SLCO5A1: variants seen among roughly 807,000 people sequenced by gnomAD.
SLCO5A1 encodes solute carrier organic anion transporter family member 5A1, also known as organic anion transporter polypeptide-related protein 4.
A neutral mutation model predicts 65.1 loss-of-function variants in SLCO5A1; 39 were observed. That is an observed-to-expected ratio of 0.60 (90% CI 0.46 to 0.78). The LOEUF is 0.78. Among genes scored for constraint, SLCO5A1 ranks in the 30% least tolerant of loss-of-function variants. SLCO5A1 has a pLI of 0.00. For synonymous variants in SLCO5A1, 438 were observed against 415.7 expected, an observed-to-expected ratio of 1.05 and a Z score of -0.65; for missense variants, 1,029 against 1,069.4, an observed-to-expected ratio of 0.96 and a Z score of 0.53.
chr8:69,751,416 G>A (rs2130855310), intron 4 of SLCO5A1, among the ~76,000 whole-genome samples: 1 of 152,254 alleles, frequency 6.6e-6, no homozygotes, highest in South Asian at 2.1e-4. Flanking sequence ...TATAATAAGA[G>A]TATGAAAACA....
Position 69,832,167 on chromosome 8 carries a change from C to A in SLCO5A1, c.507G>T (p.Leu169=), listed in dbSNP as rs1821184076. ...RYSLKSSESG[L]LVSCFDIGNL... is the part of the protein sequence containing the mutation. ...TCCCGATGTCAAAGCAGCTGACCAG[C>A]AGCCCCGACTCGGAACTCTTCAGAC... Residue 169 remains leucine, a synonymous_variant, in exon 2 of 10, where the codon CTG becomes CTT. Coordinates refer to ENST00000260126, the MANE Select transcript of SLCO5A1 (RefSeq NM_030958.3). This position sits in a 1 kb window ranked among gnomAD's most constrained non-coding sequence, Gnocchi z 4.5. The A allele has an allele frequency of 6.2e-7, 1 of 1,614,102 alleles. No homozygotes were observed. Among genetic ancestry groups the A allele is most frequent in the Non-Finnish European group, 8.5e-7 (1 of 1,180,048 alleles).
At position 69,799,477 on chromosome 8, in the gene SLCO5A1, G is replaced by A. The variant is rs532829594; in HGVS notation, c.907+32290C>T. Among the ~76,000 whole-genome samples, 4 of 152,154 alleles carry A rather than the reference G, an allele frequency of 2.6e-5. No homozygotes were observed. In the East Asian group the frequency reaches 5.8e-4, roughly 22 times the overall value. ...CAGTTTTCTACACACAGTAATGCAC[G>A]ATATGCTATTGATCTAGGAAGTTTT... On this transcript the variant is annotated intron_variant, in intron 2 of 9. Coordinates refer to ENST00000260126, the MANE Select transcript of SLCO5A1 (RefSeq NM_030958.3).
chr8:69,775,535 T>C (rs187140990), intron 2 of SLCO5A1, among the ~76,000 whole-genome samples: 8 of 152,154 alleles, frequency 5.3e-5, no homozygotes, highest in African/African-American at 1.9e-4. Context: ...CAGGAAGGAG[T>C]ACGGGGTGTT....
Position 69,668,416 on chromosome 8 carries a change from C to T in SLCO5A1, c.*4453G>A, listed in dbSNP as rs1051590509. 1.3e-5 allele frequency: 2 copies of T among 152,216 alleles called. No individual in the cohort carries two copies. Among genetic ancestry groups the T allele is most frequent in the African/African-American group, 4.8e-5 (2 of 41,454 alleles). 9.4% of individuals were successfully genotyped at this position (152,216 alleles called of 1,614,324 possible). ...CAGTTTAGGCAATTCTGGGATTATA[C>T]AGTATTTTGGTATCTATCTGCTACT... On this transcript the variant is annotated 3_prime_UTR_variant, in exon 10 of 10. Coordinates refer to ENST00000260126, the MANE Select transcript of SLCO5A1 (RefSeq NM_030958.3).
Position 69,831,771 on chromosome 8 carries a change from G to C in SLCO5A1, c.903C>G (p.Tyr301Ter). The change falls in exon 2 of 10, where the codon TAC becomes TAG. Residue 301 changes from tyrosine to a stop codon, truncating the protein, a stop_gained. Coordinates refer to ENST00000260126, the MANE Select transcript of SLCO5A1 (RefSeq NM_030958.3). LOFTEE classifies it high-confidence loss of function. ...DNVKKENSSL[Y>*]LAIMYVMGAL... Reference sequence around the variant, plus strand: ...GAGAGAACAGGAAAGTCTTACCTAGGTACAAGGAGGAGTTTTCTTTCTTGA... The same window carrying C: ...GAGAGAACAGGAAAGTCTTACCTAGCTACAAGGAGGAGTTTTCTTTCTTGA... The C allele has an allele frequency of 6.2e-7, 1 of 1,613,726 alleles. No homozygotes were observed. The highest frequency in any genetic ancestry group is 1.1e-5 in the South Asian group (1 of 90,964).
At position 69,832,581 on chromosome 8, in the gene SLCO5A1, C is replaced by T; in HGVS notation, c.93G>A (p.Glu31=). The T allele has an allele frequency of 6.2e-7, 1 of 1,612,940 alleles. No homozygotes were observed. Among genetic ancestry groups the T allele is most frequent in the Non-Finnish European group, 8.5e-7 (1 of 1,179,728 alleles). Residue 31 remains glutamate (E), a synonymous_variant, in exon 2 of 10, where the codon GAG becomes GAA. Coordinates refer to ENST00000260126, the MANE Select transcript of SLCO5A1 (RefSeq NM_030958.3). This position sits in a 1 kb window ranked among gnomAD's most constrained non-coding sequence, Gnocchi z 4.5. The part of the protein sequence containing the change: ...AEAVQERCEP[E]TLRSKSLPVL... ...CCGGTAAACTCTTAGACCTGAGGGT[C>T]TCCGGCTCGCACCTCTCTTGGACAG...
At chr8:69,780,726 A>G (rs1818757467) in intron 2 of SLCO5A1, among the ~76,000 whole-genome samples, 1 of 152,124 alleles carries the variant, frequency 6.6e-6, no homozygotes, top group Non-Finnish European at 1.5e-5. Flanking sequence ...GGATACCCTA[A>G]AAGGCCTAAT....
intron 2 of SLCO5A1, among the ~76,000 whole-genome samples, chr8:69,762,233 T>C (rs375070197): frequency 2.0e-5 from 3 of 150,112 alleles, no homozygotes; most frequent in African/African-American, 2.5e-5. Context: ...GTCACCCAGG[T>C]TGGAGTGCAG....
intron 5 of SLCO5A1, among the ~76,000 whole-genome samples, chr8:69,734,940 C>G (rs757567224): frequency 5.9e-5 from 9 of 151,854 alleles, no homozygotes; most frequent in Non-Finnish European, 8.8e-5. Flanking sequence ...GATAACAATT[C>G]AAAAAACCAA....
At chr8:69,774,881 A>C (rs1818496647) in intron 2 of SLCO5A1, among the ~76,000 whole-genome samples, 4 of 152,200 alleles carry the variant, frequency 2.6e-5, no homozygotes. Context: ...CTTTCAACTT[A>C]CATATTCCCT....
chr8:69,798,195 C>G (rs116915178), intron 2 of SLCO5A1, among the ~76,000 whole-genome samples: 1,656 of 152,330 alleles, frequency 0.011, 17 homozygotes, highest in Non-Finnish European at 0.015. Context: ...GCCCTCCACA[C>G]TCTTTCAACC....
chr8:69,753,746 C>T (rs545933609), intron 4 of SLCO5A1, among the ~76,000 whole-genome samples: 1 of 152,144 alleles, frequency 6.6e-6, no homozygotes, highest in South Asian at 2.1e-4. Context: ...CATGGTGGCT[C>T]ACGCCTGTAA....
chr8:69,816,521 A>T (rs1485776583), intron 2 of SLCO5A1, among the ~76,000 whole-genome samples: 1 of 152,190 alleles, frequency 6.6e-6, no homozygotes. Context: ...AACAGGGTGC[A>T]AGCACTGGCT....
intron 5 of SLCO5A1, among the ~76,000 whole-genome samples, chr8:69,724,458 G>A (rs1237883483): frequency 1.3e-5 from 2 of 152,054 alleles, no homozygotes; most frequent in South Asian, 2.1e-4. Context: ...ATTTCAGTAC[G>A]ATGACTTGAA....
At position 69,799,105 on chromosome 8, in the gene SLCO5A1, C is replaced by A. The variant is rs574469613; in HGVS notation, c.907+32662G>T. On this transcript the variant is annotated intron_variant, in intron 2 of 9. Transcript: ENST00000260126. ...AATAATTCTTTAACTTTTGAAAAATCTGGTGCCAAGCAATGAGATTTGTGT... is the reference window on the plus strand; with the variant it reads ...AATAATTCTTTAACTTTTGAAAAATATGGTGCCAAGCAATGAGATTTGTGT... Among the ~76,000 whole-genome samples, 4 of 152,292 alleles carry A rather than the reference C, an allele frequency of 2.6e-5. No homozygotes were observed. In the South Asian group the frequency reaches 8.3e-4, roughly 32 times the overall value.
Position 69,832,703 on chromosome 8 carries a change from T to A in SLCO5A1, c.-30A>T. ...CTTAGAATTCAGATTTGATAGCTGA[T>A]GGCACCCAAGCACTCCGGCACGTTT... On this transcript the variant is annotated 5_prime_UTR_variant, in exon 2 of 10. Coordinates refer to ENST00000260126, the MANE Select transcript of SLCO5A1 (RefSeq NM_030958.3). The surrounding 1 kb of genome is among the most constrained non-coding windows in gnomAD (Gnocchi z 4.5). 2 of 1,568,550 alleles carry A rather than the reference T, an allele frequency of 1.3e-6. No homozygotes were observed. Among genetic ancestry groups the A allele is most frequent in the South Asian group, 1.2e-5 (1 of 85,742 alleles).
At chr8:69,775,626 A>G (rs1818524448) in intron 2 of SLCO5A1, among the ~76,000 whole-genome samples, 1 of 152,210 alleles carries the variant, frequency 6.6e-6, no homozygotes, top group Non-Finnish European at 1.5e-5. Context: ...AAAGTTAAGG[A>G]TGAATCCCCT....
intron 2 of SLCO5A1, among the ~76,000 whole-genome samples, chr8:69,819,275 C>T (rs1820536337): frequency 6.6e-6 from 1 of 151,974 alleles, no homozygotes; most frequent in South Asian, 2.1e-4. Flanking sequence ...AGTATGCACG[C>T]AGGGAGTGAA....
intron 6 of SLCO5A1, among the ~76,000 whole-genome samples, chr8:69,683,567 C>CTT (rs199891720): frequency 6.8e-6 from 1 of 147,114 alleles, no homozygotes. Context: ...CAAGACTTAT[C>CTT]TTTTTTTTTT....
Sources: gnomAD v4.1 joint callset for allele counts (sites outside exome capture counted in the v4.1 genomes callset) on GRCh38, gnomAD v4.1.1 for gene constraint, Gnocchi (gnomAD v3.1) non-coding constraint, MANE v1.5 for transcripts, NCBI Gene and HGNC (gene_info 2026-07-23, HGNC 2026-07-21) for gene names.